Variants in CNBD1 observed in about 807,000 individuals in gnomAD.
The protein encoded by CNBD1 is cyclic nucleotide binding domain containing 1, also known as cyclic nucleotide-binding domain-containing protein 1.
Under a neutral mutation model 54.4 loss-of-function variants are expected in CNBD1, and 71 were observed. The observed-to-expected ratio is 1.30, with a 90% CI of 1.08 to 1.59. The LOEUF is 1.59. Ranked by LOEUF, CNBD1 falls within the 40% of genes most tolerant of loss-of-function variation. CNBD1 has a pLI of 0.00. For missense variants in CNBD1, 659 were observed against 518.0 expected (o/e 1.27, Z -2.64); for synonymous variants, 182 against 170.7 (o/e 1.07, Z -0.51).
intron 4 of CNBD1, among the ~76,000 whole-genome samples, chr8:87,030,656 C>T (rs1292387762): frequency 1.3e-5 from 2 of 152,066 alleles, no homozygotes; most frequent in Non-Finnish European, 2.9e-5. Context: ...CAGGGATGCA[C>T]TGTATCATTA....
At chr8:87,270,364 A>C (rs1053822641) in intron 6 of CNBD1, among the ~76,000 whole-genome samples, 1 of 151,914 alleles carries the variant, frequency 6.6e-6, no homozygotes, top group Non-Finnish European at 1.5e-5. Context: ...ATGAAAAAAA[A>C]CTCAACATTA....
At chr8:87,249,414 G>T (rs1453787416) in intron 6 of CNBD1, among the ~76,000 whole-genome samples, 1 of 152,094 alleles carries the variant, frequency 6.6e-6, no homozygotes, top group Non-Finnish European at 1.5e-5. Flanking sequence ...GTATAAATCT[G>T]TGGCCCAGGA....
chr8:87,359,315 T>C (rs1414027321), intron 10 of CNBD1, among the ~76,000 whole-genome samples: 1 of 151,170 alleles, frequency 6.6e-6, no homozygotes, highest in African/African-American at 2.5e-5. Context: ...CATTCCATAG[T>C]CTGTTCATTT....
intron 10 of CNBD1, among the ~76,000 whole-genome samples, chr8:87,357,938 G>C (rs1202850846): frequency 2.6e-5 from 4 of 152,134 alleles, no homozygotes; most frequent in African/African-American, 9.7e-5. Context: ...GATAATGAGT[G>C]AGTTGTTTCT....
intron 10 of CNBD1, among the ~76,000 whole-genome samples, chr8:87,359,103 G>A (rs1447611451): frequency 6.6e-6 from 1 of 152,144 alleles, no homozygotes; most frequent in African/African-American, 2.4e-5. Flanking sequence ...ATAAAGTTAA[G>A]TGTCACATAC....
intron 8 of CNBD1, among the ~76,000 whole-genome samples, chr8:87,347,137 A>G (rs1002555302): frequency 6.6e-6 from 1 of 152,188 alleles, no homozygotes; most frequent in Non-Finnish European, 1.5e-5. Flanking sequence ...CCACCGCCAG[A>G]CAGATACAAC....
chr8:87,426,183 A>G (rs908084696), intron 2 of CNBD1, among the ~76,000 whole-genome samples: 7 of 152,312 alleles, frequency 4.6e-5, no homozygotes, highest in Admixed American at 2.0e-4. Flanking sequence ...CAGCTGGCGC[A>G]CGGTGCGCGC....
chr8:87,076,251 C>T (rs967922146), intron 4 of CNBD1, among the ~76,000 whole-genome samples: 5 of 152,126 alleles, frequency 3.3e-5, no homozygotes, highest in African/African-American at 7.2e-5. Context: ...AGAGTCTGCA[C>T]AGAGTGTTGA....
chr8:87,357,496 C>T (rs185613048), intron 10 of CNBD1, among the ~76,000 whole-genome samples: 290 of 152,278 alleles, frequency 1.9e-3, no homozygotes, highest in Non-Finnish European at 2.4e-3. Context: ...ATTTTAATAC[C>T]TGCTCTTCTG....
intron 2 of CNBD1, among the ~76,000 whole-genome samples, chr8:87,424,412 T>C (rs950252465): frequency 2.0e-5 from 3 of 152,188 alleles, no homozygotes; most frequent in Admixed American, 1.3e-4. Context: ...TGTGGGCATT[T>C]AGTGCTATAA....
intron 10 of CNBD1, among the ~76,000 whole-genome samples, chr8:87,354,776 T>G (rs1417499720): frequency 6.6e-6 from 1 of 152,220 alleles, no homozygotes. Flanking sequence ...ATGGTGTATA[T>G]GTGCCACATT....
intron 10 of CNBD1, among the ~76,000 whole-genome samples, chr8:87,368,858 A>G (rs1011995795): frequency 1.4e-4 from 21 of 151,946 alleles, no homozygotes; most frequent in Non-Finnish European, 2.9e-4. Flanking sequence ...AATCTGCCAT[A>G]GGAGAATTAT....
intron 4 of CNBD1, among the ~76,000 whole-genome samples, chr8:87,107,342 C>G (rs1232890886): frequency 3.9e-5 from 6 of 152,172 alleles, no homozygotes; most frequent in African/African-American, 1.4e-4. Context: ...GTAACGTTAA[C>G]CTTTGTTCAT....
At chr8:87,411,299 A>C (rs1424762405) in intron 2 of CNBD1, among the ~76,000 whole-genome samples, 1 of 150,766 alleles carries the variant, frequency 6.6e-6, no homozygotes, top group Non-Finnish European at 1.5e-5. Flanking sequence ...GATTTCTTAC[A>C]ACCCTATGTT....
intron 5 of CNBD1, among the ~76,000 whole-genome samples, chr8:87,232,635 A>C (rs144992906): frequency 6.6e-6 from 1 of 152,160 alleles, no homozygotes; most frequent in African/African-American, 2.4e-5. Context: ...AAATTTAGCT[A>C]AAAAACGTTA....
intron 4 of CNBD1, among the ~76,000 whole-genome samples, chr8:87,083,449 T>C (rs1045062797): frequency 1.3e-4 from 20 of 152,052 alleles, no homozygotes; most frequent in African/African-American, 2.4e-5. Flanking sequence ...TTAACCTGAA[T>C]ATTTCCTTTC....
chr8:87,315,723 C>A (rs1203950584), intron 8 of CNBD1, among the ~76,000 whole-genome samples: 3 of 151,908 alleles, frequency 2.0e-5, no homozygotes, highest in Non-Finnish European at 4.4e-5. Context: ...TCCATAGCAG[C>A]TGGGAATGTA....
chr8:87,150,514 A>G (rs1452477117), intron 4 of CNBD1, among the ~76,000 whole-genome samples: 1 of 152,192 alleles, frequency 6.6e-6, no homozygotes, highest in Non-Finnish European at 1.5e-5. Flanking sequence ...TAAACCCACA[A>G]TTTATTTAAA....
chr8:87,304,043 G>C (rs1361355288), intron 8 of CNBD1, among the ~76,000 whole-genome samples: 2 of 152,176 alleles, frequency 1.3e-5, no homozygotes, highest in African/African-American at 2.4e-5. Flanking sequence ...TGGTGGGACT[G>C]TAAACTAGTT....
Sources: allele counts gnomAD v4.1 joint callset (sites outside exome capture counted in the v4.1 genomes callset), GRCh38; gene constraint gnomAD v4.1.1; transcripts MANE v1.5; gene names NCBI Gene and HGNC (gene_info 2026-07-23, HGNC 2026-07-21).